Variants in CYP20A1 observed in about 807,000 individuals in gnomAD.
CYP20A1 encodes the protein cytochrome P450 family 20 subfamily A member 1.
In CYP20A1, 61 loss-of-function variants were observed where a neutral mutation model predicts 61.4. That is an observed-to-expected ratio of 0.99 (90% confidence interval 0.81 to 1.23). The LOEUF is 1.23. Ranked by LOEUF, CYP20A1 falls within the 50% of genes most tolerant of loss-of-function variation. CYP20A1 has a pLI of 0.00. For missense variants in CYP20A1, 530 were observed against 542.4 expected, an observed-to-expected ratio of 0.98 and a Z score of 0.23; for synonymous variants, 193 against 188.2, an observed-to-expected ratio of 1.03 and a Z score of -0.21.
intron 4 of CYP20A1, among the ~76,000 whole-genome samples, chr2:203,259,170 G>A (rs1181808359): frequency 6.6e-6 from 1 of 152,088 alleles, no homozygotes; most frequent in Non-Finnish European, 1.5e-5. Context: ...GCAAATTAAG[G>A]TGGTTTTTTA....
chr2:203,250,780 C>G (rs2066633367), intron 3 of CYP20A1, among the ~76,000 whole-genome samples: 1 of 152,104 alleles, frequency 6.6e-6, no homozygotes, highest in African/African-American at 2.4e-5. Context: ...ATGATAACAG[C>G]TAGGCCGGGT....
chr2:203,247,239 C>T lies in CYP20A1; in HGVS notation c.289+318C>T, dbSNP rs558717768. 1.1e-4 allele frequency among the ~76,000 whole-genome samples: 16 copies of T among 151,636 alleles called. No individual in the cohort carries two copies. The East Asian group carries it at 1.9e-3, about 18-fold the overall frequency. On this transcript the variant is annotated intron_variant, in intron 3 of 12. Transcript: ENST00000356079. ...TTGTGCCACTGTACTCCAGCCTGGGCGACAGAGCGAGACTGTCTCAAAAAA... is the reference window on the plus strand; with the variant it reads ...TTGTGCCACTGTACTCCAGCCTGGGTGACAGAGCGAGACTGTCTCAAAAAA...
intron 4 of CYP20A1, among the ~76,000 whole-genome samples, chr2:203,252,595 A>G (rs954318572): frequency 2.0e-5 from 3 of 152,010 alleles, no homozygotes; most frequent in Non-Finnish European, 2.9e-5. Flanking sequence ...GGGTTTCACC[A>G]TGTTGGCCAG....
chr2:203,280,853 T>A (rs902790333), intron 8 of CYP20A1, among the ~76,000 whole-genome samples: 5 of 152,212 alleles, frequency 3.3e-5, no homozygotes, highest in Admixed American at 6.5e-5. Flanking sequence ...ATAAATTTCT[T>A]GACACATTTT....
rs2069158461 is a variant in CYP20A1 at position 203,304,872 on chromosome 2, G to C, written c.*7964G>C. The stretch of plus-strand genomic sequence containing the variant: ...GATTGCTTGAGCCCAGGAGGTAGAG[G>C]TTGCAGTGAGCCATGATCATGCCAC... On this transcript the variant is annotated 3_prime_UTR_variant, in exon 13 of 13. Transcript: ENST00000356079. 6.6e-6 allele frequency among the ~76,000 whole-genome samples: 1 copy of C among 152,106 alleles called. No individual in the cohort carries two copies. Among genetic ancestry groups the C allele is most frequent in the South Asian group, 2.1e-4 (1 of 4,834 alleles).
chr2:203,279,212 C>T lies in CYP20A1; in HGVS notation c.795+524C>T, dbSNP rs1315950482. On this transcript the variant is annotated intron_variant, in intron 7 of 12. Coordinates refer to ENST00000356079, the MANE Select transcript of CYP20A1 (RefSeq NM_177538.3). ...TATCTCTTTCACATCATGATCCACC[C>T]GCCTTGGCCTCCCAAAGTGCTGGGA... Among the ~76,000 whole-genome samples the T allele has an allele frequency of 3.3e-5, 5 of 152,254 alleles. No homozygotes were observed. The South Asian group carries it at 6.2e-4, about 19-fold the overall frequency.
Position 203,266,625 on chromosome 2 carries a change from G to A in CYP20A1, c.544G>A (p.Gly182Ser), listed in dbSNP as rs2067333453. The A allele has an allele frequency of 6.2e-7, 1 of 1,613,916 alleles. No individual in the cohort carries two copies. The highest frequency in any genetic ancestry group is 1.3e-5 in the African/African-American group (1 of 75,002). ...GAAGTCTGTTACACAGATGGTAATG[G>A]GTAGTACATTTGAAGATGATCAGGA... ...AMKSVTQMVM[G>S]STFEDDQEVI... The change falls in exon 5 of 13, where the codon GGT (glycine) becomes AGT (serine). Residue 182 changes from glycine to serine, a missense_variant. Physicochemically the swap from Gly to Ser is moderately conservative, Grantham distance 56. Coordinates refer to ENST00000356079, the MANE Select transcript of CYP20A1 (RefSeq NM_177538.3).
At chr2:203,258,039 C>T (rs553559309) in intron 4 of CYP20A1, among the ~76,000 whole-genome samples, 103 of 51,134 alleles carry the variant, frequency 2.0e-3, no homozygotes, top group African/African-American at 3.8e-3. Context: ...GTAACTAGGA[C>T]CACAGGCACG....
intron 4 of CYP20A1, among the ~76,000 whole-genome samples, chr2:203,255,028 T>G (rs2066844529): frequency 6.6e-6 from 1 of 151,950 alleles, no homozygotes; most frequent in South Asian, 2.1e-4. Context: ...GAAAATCACA[T>G]TTGAAAAGAA....
At chr2:203,291,680 C>A (rs1346585948) in intron 10 of CYP20A1, among the ~76,000 whole-genome samples, 1 of 151,578 alleles carries the variant, frequency 6.6e-6, no homozygotes, top group Non-Finnish European at 1.5e-5. Context: ...TAACTGGATG[C>A]AGATTTTTTT....
In CYP20A1 at chr2:203,300,401, G is replaced by A. The variant is rs974946044; in HGVS notation, c.*3493G>A. On this transcript the variant is annotated 3_prime_UTR_variant, in exon 13 of 13. Coordinates refer to ENST00000356079, the MANE Select transcript of CYP20A1 (RefSeq NM_177538.3). ...TCTGTGTTCTTTGTACTTATCAAGT[G>A]ACTCAAATTTTGGCCACTTCACTGT... Among the ~76,000 whole-genome samples the A allele has an allele frequency of 6.6e-6, 1 of 152,154 alleles. No homozygotes were observed. Among genetic ancestry groups the A allele is most frequent in the Non-Finnish European group, 1.5e-5 (1 of 68,028 alleles).
At chr2:203,281,667 G>A (rs901199775) in intron 8 of CYP20A1, among the ~76,000 whole-genome samples, 2 of 152,010 alleles carry the variant, frequency 1.3e-5, no homozygotes, top group African/African-American at 4.8e-5. Context: ...CAAGTGTGGG[G>A]GCACATGCCT....
At chr2:203,281,110 C>A (rs2068024608) in intron 8 of CYP20A1, among the ~76,000 whole-genome samples, 3 of 152,126 alleles carry the variant, frequency 2.0e-5, no homozygotes, top group Admixed American at 1.3e-4. Context: ...TTCTAAGTTT[C>A]CTCACTTGGT....
rs1408839467 is a variant in CYP20A1 at position 203,300,825 on chromosome 2, G to A, written c.*3917G>A. ...AATTGCTTGAACCCGTGAGGCAGAG[G>A]TTGCGATGAGCCGAGATCGTGCCAT... is the stretch of plus-strand genomic sequence containing the variant. On this transcript the variant is annotated 3_prime_UTR_variant, in exon 13 of 13. Transcript: ENST00000356079. Among the ~76,000 whole-genome samples the A allele has an allele frequency of 6.8e-6, 1 of 147,292 alleles. No homozygotes were observed. The highest frequency in any genetic ancestry group is 2.5e-5 in the African/African-American group (1 of 39,896).
intron 4 of CYP20A1, among the ~76,000 whole-genome samples, chr2:203,263,735 T>C (rs1343949125): frequency 6.6e-6 from 1 of 152,174 alleles, no homozygotes; most frequent in African/African-American, 2.4e-5. Context: ...TAGTTATCTG[T>C]TTTGTATTGA....
chr2:203,304,280 C>T lies in CYP20A1; in HGVS notation c.*7372C>T, dbSNP rs2069138420. On this transcript the variant is annotated 3_prime_UTR_variant, in exon 13 of 13. Coordinates refer to ENST00000356079, the MANE Select transcript of CYP20A1 (RefSeq NM_177538.3). Reference sequence around the variant, plus strand: ...TGGCATGATCTGGGCTCACTACAACCTCCATCTCCCCAGTTCAAGCGATTC... The same window carrying T: ...TGGCATGATCTGGGCTCACTACAACTTCCATCTCCCCAGTTCAAGCGATTC... Among the ~76,000 whole-genome samples, 1 of 152,150 alleles carries T rather than the reference C, an allele frequency of 6.6e-6. No individual in the cohort carries two copies. The highest frequency in any genetic ancestry group is 2.4e-5 in the African/African-American group (1 of 41,448).
At chr2:203,241,151 G>A (rs1445973029) in intron 1 of CYP20A1, among the ~76,000 whole-genome samples, 1 of 152,180 alleles carries the variant, frequency 6.6e-6, no homozygotes, top group Non-Finnish European at 1.5e-5. Context: ...TTTTAGCCTG[G>A]TATCTGGAAG....
At chr2:203,251,185 G>T (rs1366906265) in intron 3 of CYP20A1, among the ~76,000 whole-genome samples, 1 of 149,922 alleles carries the variant, frequency 6.7e-6, no homozygotes, top group Non-Finnish European at 1.5e-5. Flanking sequence ...TACAATGACA[G>T]TGTATCTTTG....
At chr2:203,242,676 A>C (rs1268488022) in intron 1 of CYP20A1, among the ~76,000 whole-genome samples, 1 of 152,030 alleles carries the variant, frequency 6.6e-6, no homozygotes, top group Non-Finnish European at 1.5e-5. Flanking sequence ...CCCTGGTCCC[A>C]GCTACTTGGG....
Sources: allele counts gnomAD v4.1 joint callset (sites outside exome capture counted in the v4.1 genomes callset), GRCh38; gene constraint gnomAD v4.1.1; transcripts MANE v1.5; gene names NCBI Gene and HGNC (gene_info 2026-07-23, HGNC 2026-07-21).